Variants in CSMD3 observed in about 807,000 individuals in gnomAD.
CSMD3 encodes CUB and sushi domain-containing protein 3.
Under a neutral mutation model 435.2 loss-of-function variants are expected in CSMD3, and 177 were observed. That is an observed-to-expected ratio of 0.41 (90% CI 0.36 to 0.46). The LOEUF (loss-of-function observed/expected upper bound fraction) is 0.46, where lower values mean the gene tolerates loss of function less well. Among genes scored for constraint, CSMD3 ranks in the 20% least tolerant of loss-of-function variants. The pLI is 0.34. For missense variants in CSMD3, 4,265 were observed against 4,504.6 expected (o/e 0.95, Z 1.52); for synonymous variants, 1,656 against 1,520.5 (o/e 1.09, Z -2.07).
Position 113,336,380 on chromosome 8 carries a change from C to T in CSMD3, c.179-21587G>A, listed in dbSNP as rs568972566. ...TGTCGAGGCATTTTTAGCATGGCTGCTTTAAAATCTTTGTGAGATAATTTT... is the reference window on the plus strand; with the variant it reads ...TGTCGAGGCATTTTTAGCATGGCTGTTTTAAAATCTTTGTGAGATAATTTT... On this transcript the variant is annotated intron_variant, in intron 1 of 70. Transcript: ENST00000297405. 3.3e-5 allele frequency among the ~76,000 whole-genome samples: 5 copies of T among 151,726 alleles called. No individual in the cohort carries two copies. In the East Asian group the frequency reaches 9.8e-4, roughly 30 times the overall value.
chr8:113,046,892 G>A (rs1027154526), intron 5 of CSMD3, among the ~76,000 whole-genome samples: 1 of 152,166 alleles, frequency 6.6e-6, no homozygotes, highest in Non-Finnish European at 1.5e-5. Context: ...TCCAAAAGAG[G>A]GACATGATGC....
At chr8:113,266,582 T>G (rs1006892468) in intron 3 of CSMD3, among the ~76,000 whole-genome samples, 3 of 151,596 alleles carry the variant, frequency 2.0e-5, no homozygotes, top group African/African-American at 7.2e-5. Context: ...CTCATGTAAT[T>G]TTGTAGGGTG....
At chr8:112,830,365 G>A (rs2079833625) in intron 11 of CSMD3, among the ~76,000 whole-genome samples, 1 of 151,876 alleles carries the variant, frequency 6.6e-6, no homozygotes, top group Non-Finnish European at 1.5e-5. Context: ...GCAAAACTGG[G>A]AGCACAATAC....
At chr8:112,923,585 A>G (rs1356277113) in intron 9 of CSMD3, among the ~76,000 whole-genome samples, 1 of 152,030 alleles carries the variant, frequency 6.6e-6, no homozygotes, top group African/African-American at 2.4e-5. Context: ...ATGATATTTT[A>G]TCCATAAGGC....
At chr8:113,077,722 A>G (rs1469922509) in intron 5 of CSMD3, among the ~76,000 whole-genome samples, 2 of 152,144 alleles carry the variant, frequency 1.3e-5, no homozygotes, top group African/African-American at 4.8e-5. Flanking sequence ...AACAAAAACA[A>G]AACTCTAAGA....
intron 12 of CSMD3, among the ~76,000 whole-genome samples, chr8:112,829,466 A>G (rs1465555857): frequency 1.3e-5 from 2 of 152,192 alleles, no homozygotes; most frequent in Admixed American, 1.3e-4. Flanking sequence ...CACCCAGTTT[A>G]CTGCATGTTG....
chr8:113,352,343 G>A (rs920997062), intron 1 of CSMD3, among the ~76,000 whole-genome samples: 9 of 152,050 alleles, frequency 5.9e-5, no homozygotes, highest in African/African-American at 1.9e-4. Context: ...GTATTATTCT[G>A]TCACAAACCA....
chr8:113,346,418 G>T lies in CSMD3; in HGVS notation c.179-31625C>A, dbSNP rs1453751800. ...GGCAGTTCAAAAAGCAATTAAAATT[G>T]AGGAATCAAAAAGCTCCTCTGATTC... On this transcript the variant is annotated intron_variant, in intron 1 of 70. Transcript: ENST00000297405. Among the ~76,000 whole-genome samples the T allele has an allele frequency of 2.0e-5, 3 of 152,202 alleles. No individual in the cohort carries two copies. The East Asian group carries it at 5.8e-4, about 29-fold the overall frequency.
At chr8:112,242,766 A>C (rs1439468117) in intron 65 of CSMD3, among the ~76,000 whole-genome samples, 3 of 152,170 alleles carry the variant, frequency 2.0e-5, no homozygotes, top group Non-Finnish European at 2.9e-5. Context: ...ATTTCACTAG[A>C]GATATCAAGC....
chr8:113,313,269 C>T (rs1293445475), intron 2 of CSMD3: 1 of 152,172 alleles, frequency 6.6e-6, no homozygotes, highest in Non-Finnish European at 1.5e-5. Flanking sequence ...ATTTTCCCCA[C>T]TACATTATGT....
At chr8:113,330,244 C>A (rs2094017284) in intron 1 of CSMD3, among the ~76,000 whole-genome samples, 1 of 151,906 alleles carries the variant, frequency 6.6e-6, no homozygotes, top group African/African-American at 2.4e-5. Flanking sequence ...TAGTATTAAT[C>A]TGAACTAGAA....
rs1336501750 is a variant in CSMD3, at chr8:112,922,372, A to G, written c.1509-621T>C. 7.2e-5 allele frequency among the ~76,000 whole-genome samples: 11 copies of G among 152,140 alleles called. 2 individuals are homozygous for G. The South Asian group carries it at 2.1e-3, about 29-fold the overall frequency. On this transcript the variant is annotated intron_variant, in intron 9 of 70. Transcript: ENST00000297405. ...TATCCTTTGTGTTACAAAAAATACC[A>G]TTACATTCTTTTGGTTATTTTGAAC... is the stretch of plus-strand genomic sequence containing the variant.
At chr8:113,273,124 T>C (rs1485348340) in intron 3 of CSMD3, among the ~76,000 whole-genome samples, 1 of 152,010 alleles carries the variant, frequency 6.6e-6, no homozygotes, top group South Asian at 2.1e-4. Context: ...ATATACCCTA[T>C]AAATATGTAT....
intron 13 of CSMD3, among the ~76,000 whole-genome samples, chr8:112,734,707 T>A (rs1049586352): frequency 6.6e-6 from 1 of 151,986 alleles, no homozygotes; most frequent in African/African-American, 2.4e-5. Flanking sequence ...TTCCACTGAT[T>A]TTTTGCTTTT....
intron 6 of CSMD3, 49 bp downstream of exon 6, chr8:113,019,018 C>G (rs759240608): frequency 8.2e-7 from 1 of 1,225,096 alleles, no homozygotes; most frequent in Admixed American, 1.7e-5. Flanking sequence ...TTGTGTACAC[C>G]AAAATTATTT....
At chr8:112,577,714 G>A (rs1463179266) in intron 23 of CSMD3, among the ~76,000 whole-genome samples, 1 of 151,972 alleles carries the variant, frequency 6.6e-6, no homozygotes, top group Non-Finnish European at 1.5e-5. Flanking sequence ...AAAACTTTTT[G>A]TAATAAATCT....
At chr8:113,087,244 G>A (rs1227539240) in intron 5 of CSMD3, among the ~76,000 whole-genome samples, 1 of 152,008 alleles carries the variant, frequency 6.6e-6, no homozygotes, top group Non-Finnish European at 1.5e-5. Flanking sequence ...GATTAACTTG[G>A]GTAGGAAGAA....
intron 19 of CSMD3, among the ~76,000 whole-genome samples, chr8:112,649,886 C>G (rs556908982): frequency 6.6e-6 from 1 of 152,206 alleles, no homozygotes; most frequent in South Asian, 2.1e-4. Context: ...AGGTCCACAG[C>G]ATGTTCTTAA....
intron 4 of CSMD3, among the ~76,000 whole-genome samples, chr8:113,164,411 AG>A: frequency 6.6e-6 from 1 of 151,584 alleles, no homozygotes; most frequent in Non-Finnish European, 1.5e-5. Flanking sequence ...TCAAAATATA[AG>A]GAATTAGTGC....
Sources: allele counts gnomAD v4.1 joint callset (sites outside exome capture counted in the v4.1 genomes callset), GRCh38; gene constraint gnomAD v4.1.1; transcripts MANE v1.5; gene names NCBI Gene and HGNC (gene_info 2026-07-23, HGNC 2026-07-21).